SH3TC1: variants seen among roughly 807,000 people sequenced by gnomAD.
SH3TC1 encodes the protein SH3 domain and tetratricopeptide repeats 1.
In SH3TC1, 135 loss-of-function variants were observed where a neutral mutation model predicts 117.3. That is an observed-to-expected ratio of 1.15 (90% CI 1.00 to 1.33). SH3TC1 has a LOEUF of 1.33. SH3TC1 is among the 40% of genes most tolerant of loss of function. The probability of loss-of-function intolerance (pLI) is 0.00; values close to 1 mark genes in which losing one functional copy is unlikely to be tolerated. For missense variants in SH3TC1, 2,092 were observed against 1,794.3 expected (o/e 1.17, Z -3.00); for synonymous variants, 898 against 816.9 (o/e 1.10, Z -1.69).
chr4:8,215,235 T>A, intron 5 of SH3TC1: 2 of 456,264 alleles, frequency 4.4e-6, no homozygotes, highest in Non-Finnish European at 8.8e-6. Context: ...ATTTGAAAGC[T>A]GACCCACGTG....
At chr4:8,204,808 C>T (rs576806945) in intron 1 of SH3TC1, 6 of 177,608 alleles carry the variant, frequency 3.4e-5, no homozygotes, top group South Asian at 1.9e-4. Context: ...TCCGGGAGCA[C>T]GGTCTGTTGG....
chr4:8,188,811 C>T (rs1157180640), intron 1 of SH3TC1, among the ~76,000 whole-genome samples: 2 of 152,350 alleles, frequency 1.3e-5, no homozygotes, highest in Admixed American at 6.5e-5. Context: ...GGATGTTGGC[C>T]CAACAAGGGG....
rs2152991518 is a variant in SH3TC1 at position 8,227,390 on chromosome 4, C to G, written c.1696C>G (p.Leu566Val). Reference sequence around the variant, plus strand: ...GGCCCTGGCCAGGCTCTGCTTCCTCCTGGGGCGGCTGTGCAGCAGGAGGCT... The same window carrying G: ...GGCCCTGGCCAGGCTCTGCTTCCTCGTGGGGCGGCTGTGCAGCAGGAGGCT... ...LMALARLCFL[L>V]GRLCSRRLKL... Residue 566 changes from leucine to valine, a missense_variant, in exon 12 of 18, where the codon CTG (leucine) becomes GTG (valine). Coordinates refer to ENST00000245105, the MANE Select transcript of SH3TC1 (RefSeq NM_018986.5). 6.4e-7 allele frequency: 1 copy of G among 1,553,306 alleles called. No homozygotes were observed.
intron 4 of SH3TC1, among the ~76,000 whole-genome samples, chr4:8,214,261 A>G (rs1050396702): frequency 5.3e-5 from 8 of 152,092 alleles, no homozygotes; most frequent in African/African-American, 1.7e-4. Flanking sequence ...AGCTCTGGGA[A>G]GGGCAGGGGC....
At chr4:8,226,150 A>G (rs1720441971) in intron 11 of SH3TC1, among the ~76,000 whole-genome samples, 1 of 152,172 alleles carries the variant, frequency 6.6e-6, no homozygotes, top group Non-Finnish European at 1.5e-5. Context: ...GTCTATTTAA[A>G]TCTAGATTCT....
At chr4:8,195,869 CA>C (rs1386838733), upstream of SH3TC1, among the ~76,000 whole-genome samples, 6 of 152,324 alleles carry the variant, frequency 3.9e-5, no homozygotes, top group African/African-American at 1.4e-4. Context: ...CAAGTTGACA[CA>C]GGTGGTCTTG....
Position 8,227,673 on chromosome 4 carries a change from G to A in SH3TC1, c.1979G>A (p.Ser660Asn). The change falls in exon 12 of 18, where the codon AGC becomes AAC. Residue 660 changes from serine (S) to asparagine (N), a missense_variant. Coordinates refer to ENST00000245105, the MANE Select transcript of SH3TC1 (RefSeq NM_018986.5). ...LALRRAVGGQSLQAEARACFL... is the reference protein window; with the variant it reads ...LALRRAVGGQNLQAEARACFL... ...CTGCGGCGGGCGGTGGGTGGCCAGA[G>A]CCTGCAGGCCGAGGCCCGGGCCTGC... 1 of 1,537,018 alleles carries A rather than the reference G, an allele frequency of 6.5e-7. No homozygotes were observed. Among genetic ancestry groups the A allele is most frequent in the Non-Finnish European group, 8.8e-7 (1 of 1,142,336 alleles).
chr4:8,191,958 CATTTATTTATTTATTT>C (rs10705534), intron 1 of SH3TC1, among the ~76,000 whole-genome samples: 136,012 of 148,148 alleles, frequency 0.92, 63,122 homozygotes, highest in East Asian at 0.99. Flanking sequence ...CTCTGAGTTA[CATTTATTTATTTATTT>C]ATTTATTTAT....
chr4:8,215,799 C>T (rs1038810246), intron 5 of SH3TC1, among the ~76,000 whole-genome samples: 1 of 152,224 alleles, frequency 6.6e-6, no homozygotes, highest in Non-Finnish European at 1.5e-5. Flanking sequence ...CCCCCTGCGG[C>T]CTGCACGGCC....
rs755220961 is a variant in SH3TC1 at position 8,212,761 on chromosome 4, A to G, written c.308A>G (p.Gln103Arg). The change falls in exon 4 of 18, where the codon CAG becomes CGG. Residue 103 changes from glutamine to arginine, a missense_variant. Gln to Arg is a conservative substitution (Grantham distance 43, BLOSUM62 1). Transcript: ENST00000245105. Reference sequence around the variant, plus strand: ...AGCAGACTGCGGGACCCCGGCCTACAGCAGACCCTCCGGGGCCAGCTCCGC... The same window carrying G: ...AGCAGACTGCGGGACCCCGGCCTACGGCAGACCCTCCGGGGCCAGCTCCGC... ...RKSRLRDPGL[Q>R]QTLRGQLRLL... The G allele has an allele frequency of 6.2e-7, 1 of 1,612,608 alleles. No individual in the cohort carries two copies. The highest frequency in any genetic ancestry group is 8.5e-7 in the Non-Finnish European group (1 of 1,179,822).
At chr4:8,240,660 G>T in intron 17 of SH3TC1, 38 bp from the exon 18 acceptor site, 1 of 1,611,234 alleles carries the variant, frequency 6.2e-7, no homozygotes, top group Non-Finnish European at 8.5e-7. Context: ...GACTGGCTCC[G>T]AGTCCCCCTT....
At position 8,227,582 on chromosome 4, in the gene SH3TC1, C is replaced by G. The variant is rs776291184; in HGVS notation, c.1888C>G (p.Leu630Val). ...ACAGGTGGTGCCCAAAGCCATGGCCCTGCTCCTGGGGACGCCTGACCACAT... is the reference window on the plus strand; with the variant it reads ...ACAGGTGGTGCCCAAAGCCATGGCCGTGCTCCTGGGGACGCCTGACCACAT... ...CAQVVPKAMA[L>V]LLGTPDHICS... Residue 630 changes from leucine (L) to valine (V), a missense_variant, in exon 12 of 18, where the codon CTG becomes GTG. Physicochemically the swap from Leu to Val is conservative, Grantham distance 32. Transcript: ENST00000245105. 8.5e-6 allele frequency: 13 copies of G among 1,520,876 alleles called. No homozygotes were observed. Among genetic ancestry groups the G allele is most frequent in the Non-Finnish European group, 1.1e-5 (13 of 1,137,208 alleles). 94.2% of individuals were successfully genotyped at this position (1,520,876 alleles called of 1,614,324 possible).
Position 8,227,916 on chromosome 4 carries a change from T to C in SH3TC1, c.2222T>C (p.Leu741Pro), listed in dbSNP as rs756129567. The C allele has an allele frequency of 5.6e-6, 9 of 1,612,488 alleles. No homozygotes were observed. Among genetic ancestry groups the C allele is most frequent in the Admixed American group, 3.3e-5 (2 of 59,996 alleles). The part of the protein sequence containing the change: ...KVASLRTRGS[L>P]AGSLRSVNLV... ...GCCTCATTGCGGACACGGGGCTCGC[T>C]GGCCGGCTCGCTGAGGAGTGTGAAC... Residue 741 changes from leucine to proline, a missense_variant, in exon 12 of 18, where the codon CTG becomes CCG. Coordinates refer to ENST00000245105, the MANE Select transcript of SH3TC1 (RefSeq NM_018986.5).
intron 12 of SH3TC1, among the ~76,000 whole-genome samples, chr4:8,230,163 G>T (rs1721055316): frequency 6.6e-6 from 1 of 152,302 alleles, no homozygotes; most frequent in South Asian, 2.1e-4. Flanking sequence ...TAGGAGTTTG[G>T]CTGTTGCGTC....
Position 8,227,512 on chromosome 4 carries a change from C to A in SH3TC1, c.1818C>A (p.Asn606Lys), listed in dbSNP as rs770532721. 1.3e-6 allele frequency: 2 copies of A among 1,550,766 alleles called. No homozygotes were observed. The highest frequency in any genetic ancestry group is 1.7e-6 in the Non-Finnish European group (2 of 1,154,266). The change falls in exon 12 of 18, where the codon AAC becomes AAA. Residue 606 changes from asparagine (N) to lysine (K), a missense_variant. Physicochemically the swap from Asn to Lys is moderately conservative, Grantham distance 94 (BLOSUM62 0). Transcript: ENST00000245105. ...TCCTAGTGGTGGCTGTGTACGCCAACCTGGCCAGCATTTACCGGAAGCAGA... is the reference window on the plus strand; with the variant it reads ...TCCTAGTGGTGGCTGTGTACGCCAAACTGGCCAGCATTTACCGGAAGCAGA... ...DLFLVVAVYA[N>K]LASIYRKQKN...
rs748390432 is a variant in SH3TC1, at chr4:8,240,791, C to T, written c.3847C>T (p.Leu1283=). 1 of 1,614,030 alleles carries T rather than the reference C, an allele frequency of 6.2e-7. No homozygotes were observed. Among genetic ancestry groups the T allele is most frequent in the Non-Finnish European group, 8.5e-7 (1 of 1,180,058 alleles). ...KKAQLKIYTR[L]ATIYHNFLLD... ...GGCACAGCTGAAGATCTACACGCGGCTGGCCACCATCTACCACAACTTCCT... is the reference window on the plus strand; with the variant it reads ...GGCACAGCTGAAGATCTACACGCGGTTGGCCACCATCTACCACAACTTCCT... Residue 1283 remains leucine (L), a synonymous_variant, in exon 18 of 18, where the codon CTG becomes TTG. Coordinates refer to ENST00000245105, the MANE Select transcript of SH3TC1 (RefSeq NM_018986.5).
chr4:8,204,266 G>A (rs187175131), intron 1 of SH3TC1, among the ~76,000 whole-genome samples: 9 of 152,306 alleles, frequency 5.9e-5, no homozygotes, highest in Non-Finnish European at 8.8e-5. Flanking sequence ...CTTGCTGGGC[G>A]GGGAGATGGG....
At chr4:8,215,065 C>T (rs1719121677) in intron 5 of SH3TC1, 3 of 440,622 alleles carry the variant, frequency 6.8e-6, no homozygotes, top group South Asian at 3.1e-5. Flanking sequence ...GGGAGAAATG[C>T]CGGGTAGGCG....
intron 1 of SH3TC1, among the ~76,000 whole-genome samples, chr4:8,203,664 T>G (rs1717984317): frequency 6.6e-6 from 1 of 151,890 alleles, no homozygotes; most frequent in Non-Finnish European, 1.5e-5. Context: ...ACCTCCCATC[T>G]CCCCGCCCCT....
Sources: gnomAD v4.1 joint callset for allele counts (sites outside exome capture counted in the v4.1 genomes callset) on GRCh38, gnomAD v4.1.1 for gene constraint, MANE v1.5 for transcripts, NCBI Gene and HGNC (gene_info 2026-07-23, HGNC 2026-07-21) for gene names.